The following SCAPER variants were observed in gnomAD, a reference collection of about 807,000 sequenced individuals.
The protein encoded by SCAPER is S phase cyclin A-associated protein in the endoplasmic reticulum.
In SCAPER, 98 loss-of-function variants were observed where a neutral mutation model predicts 182.2. The observed-to-expected ratio is 0.54, with a 90% CI of 0.46 to 0.64. The LOEUF (loss-of-function observed/expected upper bound fraction) is 0.64. SCAPER is among the 30% of genes least tolerant of loss of function. The pLI, the probability that SCAPER is intolerant of heterozygous loss-of-function variation, is 0.00. For synonymous variants in SCAPER, 605 were observed against 564.6 expected, an observed-to-expected ratio of 1.07 and a Z score of -1.01; for missense variants, 1,432 against 1,690.0, an observed-to-expected ratio of 0.85 and a Z score of 2.68.
intron 23 of SCAPER, chr15:76,567,201 C>T: frequency 3.0e-6 from 1 of 333,378 alleles, no homozygotes; most frequent in Non-Finnish European, 6.0e-6. Flanking sequence ...TGAGATATAT[C>T]CATATTGTTA....
rs138396067 is a variant in SCAPER, at chr15:76,392,167, G to A, written c.3468-10552C>T. 2.0e-4 allele frequency among the ~76,000 whole-genome samples: 31 copies of A among 152,024 alleles called. No individual in the cohort carries two copies. The East Asian group carries it at 4.6e-3, about 23-fold the overall frequency. On this transcript the variant is annotated intron_variant, in intron 27 of 31. Transcript: ENST00000563290. ...ATGGCCTTGTTATGAATATGGTTTG[G>A]GCCTTAACCTTACTTGCTGTGGCTT...
intron 5 of SCAPER, among the ~76,000 whole-genome samples, chr15:76,827,526 C>T (rs1259698677): frequency 6.6e-6 from 1 of 151,968 alleles, no homozygotes; most frequent in African/African-American, 2.4e-5. Flanking sequence ...CCAAGTTTTA[C>T]AGCAGGAAAG....
intron 5 of SCAPER, among the ~76,000 whole-genome samples, chr15:76,829,223 T>C (rs1447543433): frequency 5.3e-5 from 8 of 152,172 alleles, no homozygotes; most frequent in Non-Finnish European, 5.9e-5. Context: ...AAATATTTTA[T>C]GTTCTTACTT....
rs551255155 is a variant in SCAPER, at chr15:76,358,779, A to G, written c.3856-4639T>C. The stretch of plus-strand genomic sequence containing the variant: ...CATAGCACAATCCTCATCATTTCTC[A>G]TCAACCTCAGCCGGAATTATGTTCC... On this transcript the variant is annotated intron_variant, in intron 29 of 31. Transcript: ENST00000563290. Among the ~76,000 whole-genome samples the G allele has an allele frequency of 2.5e-3, 383 of 152,308 alleles. 2 individuals are homozygous for G. The highest frequency in any genetic ancestry group is 4.4e-3 in the South Asian group (21 of 4,826).
chr15:76,773,752 G>A (rs2063593103), intron 9 of SCAPER, among the ~76,000 whole-genome samples: 1 of 151,720 alleles, frequency 6.6e-6, no homozygotes. Context: ...ATTTCCAGCT[G>A]AAAAAATCCT....
intron 8 of SCAPER, among the ~76,000 whole-genome samples, chr15:76,782,423 A>G (rs1473582415): frequency 6.6e-6 from 1 of 152,174 alleles, no homozygotes; most frequent in Non-Finnish European, 1.5e-5. Flanking sequence ...CTCCCACACA[A>G]TAATAATGGG....
intron 26 of SCAPER, among the ~76,000 whole-genome samples, chr15:76,423,170 G>A (rs2046171739): frequency 6.6e-6 from 1 of 152,166 alleles, no homozygotes; most frequent in African/African-American, 2.4e-5. Flanking sequence ...TTTTTGTATT[G>A]ATTGGAATAG....
intron 1 of SCAPER, among the ~76,000 whole-genome samples, chr15:76,891,431 A>C (rs2074159616): frequency 6.6e-6 from 1 of 152,216 alleles, no homozygotes; most frequent in African/African-American, 2.4e-5. Context: ...CCATCATCCA[A>C]GCCCAAAATC....
chr15:76,863,318 T>C (rs139642548), intron 2 of SCAPER, among the ~76,000 whole-genome samples: 99 of 152,332 alleles, frequency 6.5e-4, no homozygotes, highest in African/African-American at 2.2e-3. Flanking sequence ...CCTTATCTAA[T>C]CCTTAAATCT....
At chr15:76,632,768 CTTTTTTTTTT>C (rs1188058843) in intron 21 of SCAPER, among the ~76,000 whole-genome samples, 1 of 104,532 alleles carries the variant, frequency 9.6e-6, no homozygotes, top group Non-Finnish European at 1.9e-5. Flanking sequence ...AGGCTGCTGA[CTTTTTTTTTT>C]TTTTTTTTTT....
chr15:76,809,800 CATTAT>C (rs1391014208), intron 5 of SCAPER, among the ~76,000 whole-genome samples: 3 of 152,128 alleles, frequency 2.0e-5, no homozygotes, highest in Non-Finnish European at 4.4e-5. Context: ...CACTGAGACA[CATTAT>C]AATCAAATTG....
intron 14 of SCAPER, among the ~76,000 whole-genome samples, chr15:76,760,860 C>T (rs376583700): frequency 7.2e-5 from 11 of 152,104 alleles, no homozygotes; most frequent in African/African-American, 2.2e-4. Context: ...GGGGCAGAGA[C>T]CAATATAATA....
At chr15:76,419,121 C>T (rs775881808) in intron 26 of SCAPER, among the ~76,000 whole-genome samples, 7 of 152,138 alleles carry the variant, frequency 4.6e-5, no homozygotes, top group Non-Finnish European at 4.4e-5. Context: ...ACAGACATTG[C>T]TGATGAGAAT....
chr15:76,853,577 CTCAATGGAT>C (rs1599111323), intron 4 of SCAPER, among the ~76,000 whole-genome samples: 1 of 151,854 alleles, frequency 6.6e-6, no homozygotes, highest in East Asian at 1.9e-4. Context: ...ACATAGTTAT[CTCAATGGAT>C]GCAGAAAAAG....
At chr15:76,567,186 G>A (rs989325950) in intron 23 of SCAPER, 2 of 284,910 alleles carry the variant, frequency 7.0e-6, no homozygotes, top group Non-Finnish European at 1.4e-5. Context: ...ACTAAAAAGA[G>A]TTTGTGAGAT....
intron 29 of SCAPER, among the ~76,000 whole-genome samples, chr15:76,372,713 C>G (rs1490541440): frequency 6.6e-6 from 1 of 152,144 alleles, no homozygotes; most frequent in Non-Finnish European, 1.5e-5. Context: ...CTTTCAAAGG[C>G]AGTAGGCAGT....
intron 22 of SCAPER, among the ~76,000 whole-genome samples, chr15:76,577,975 T>C (rs897965771): frequency 6.6e-6 from 1 of 152,004 alleles, no homozygotes; most frequent in African/African-American, 2.4e-5. Flanking sequence ...GAAGCCACTG[T>C]CCTGAATGGA....
intron 17 of SCAPER, among the ~76,000 whole-genome samples, chr15:76,711,291 A>C (rs2059549750): frequency 6.6e-6 from 1 of 152,216 alleles, no homozygotes; most frequent in Non-Finnish European, 1.5e-5. Context: ...TACACTTCAC[A>C]AAGAATGTAT....
At chr15:76,726,330 A>G (rs979847289) in intron 17 of SCAPER, among the ~76,000 whole-genome samples, 2 of 150,926 alleles carry the variant, frequency 1.3e-5, no homozygotes, top group African/African-American at 4.9e-5. Context: ...GCCACTTCAC[A>G]CTCTTCAATA....
Sources: gnomAD v4.1 joint callset for allele counts (sites outside exome capture counted in the v4.1 genomes callset) on GRCh38, gnomAD v4.1.1 for gene constraint, MANE v1.5 for transcripts, NCBI Gene and HGNC (gene_info 2026-07-23, HGNC 2026-07-21) for gene names.